CMTR1: variants seen among roughly 807,000 people sequenced by gnomAD.
CMTR1 encodes the protein cap methyltransferase 1, also known as cap-specific mRNA (nucleoside-2'-O-)-methyltransferase 1.
In CMTR1, 39 loss-of-function variants were observed where a neutral mutation model predicts 107.0. That is an observed-to-expected ratio of 0.36 (90% CI 0.28 to 0.48). CMTR1 has a LOEUF of 0.48. Ranked by LOEUF, CMTR1 falls within the 20% of genes least tolerant of loss-of-function variation. The pLI is 0.99. For missense variants in CMTR1, 672 were observed against 1,064.9 expected, an observed-to-expected ratio of 0.63 and a Z score of 5.14; for synonymous variants, 366 against 379.5, an observed-to-expected ratio of 0.96 and a Z score of 0.41.
intron 3 of CMTR1, 79 bp from the exon 4 acceptor site, chr6:37,446,212 A>C: frequency 6.9e-7 from 1 of 1,440,994 alleles, no homozygotes; most frequent in Non-Finnish European, 9.6e-7. Context: ...AGGATTTAGC[A>C]CACTGTTTGG....
chr6:37,446,216 T>A, intron 3 of CMTR1, 75 bp from the exon 4 acceptor site: 1 of 1,476,172 alleles, frequency 6.8e-7, no homozygotes, highest in South Asian at 1.2e-5. Context: ...TTTAGCACAC[T>A]GTTTGGCATG....
chr6:37,475,528 G>A, intron 19 of CMTR1, 116 bp downstream of exon 19: 4 of 839,300 alleles, frequency 4.8e-6, no homozygotes, highest in Non-Finnish European at 7.7e-6. Context: ...TTGACATCCT[G>A]AGAGTTTCCC....
At chr6:37,442,777 A>G (rs554558452) in intron 2 of CMTR1, among the ~76,000 whole-genome samples, 2 of 152,334 alleles carry the variant, frequency 1.3e-5, no homozygotes, top group African/African-American at 4.8e-5. Flanking sequence ...ATTATAATGT[A>G]TTCTTCAAGT....
At chr6:37,456,386 G>T (rs1004249496) in intron 8 of CMTR1, among the ~76,000 whole-genome samples, 1 of 152,214 alleles carries the variant, frequency 6.6e-6, no homozygotes. Flanking sequence ...GGGAAAGAAC[G>T]ATTAAGACCC....
chr6:37,475,564 A>C (rs1429941803), intron 19 of CMTR1, 152 bp downstream of exon 19: 3 of 664,422 alleles, frequency 4.5e-6, no homozygotes, highest in Non-Finnish European at 7.9e-6. Flanking sequence ...CTGGTCCCAA[A>C]GTCAGGGTGA....
chr6:37,474,657 G>C lies in CMTR1; in HGVS notation c.1944+11G>C, dbSNP rs746634782. Reference sequence around the variant, plus strand: ...GAGCTGAAAGGGGAGGTCAGAGATGGTTCTGCTCAGGTGTTGGCCCTGCAG... The same window carrying C: ...GAGCTGAAAGGGGAGGTCAGAGATGCTTCTGCTCAGGTGTTGGCCCTGCAG... On this transcript the variant is annotated intron_variant, in intron 18 of 23. Coordinates refer to ENST00000373451, the MANE Select transcript of CMTR1 (RefSeq NM_015050.3). The C allele has an allele frequency of 1.7e-5, 28 of 1,613,074 alleles. No individual in the cohort carries two copies. The South Asian group carries it at 2.6e-4, about 15-fold the overall frequency.
At chr6:37,473,685 G>C in intron 17 of CMTR1, 84 bp downstream of exon 17, 1 of 1,484,520 alleles carries the variant, frequency 6.7e-7, no homozygotes, top group Non-Finnish European at 9.1e-7. Context: ...GCCACACTTG[G>C]TACATGTTCT....
At position 37,443,996 on chromosome 6, in the gene CMTR1, C is replaced by T. The variant is rs929927979; in HGVS notation, c.134-3C>T. ...CCTAAACATTTTCCTTTTTCTTTTTCAGCATCTACTACAAGCCTTAGTGGG... is the reference window on the plus strand; with the variant it reads ...CCTAAACATTTTCCTTTTTCTTTTTTAGCATCTACTACAAGCCTTAGTGGG... On this transcript the variant is annotated splice_polypyrimidine_tract_variant and splice_region_variant and intron_variant, in intron 2 of 23. Coordinates refer to ENST00000373451, the MANE Select transcript of CMTR1 (RefSeq NM_015050.3). 3 of 1,606,718 alleles carry T rather than the reference C, an allele frequency of 1.9e-6. No homozygotes were observed. Among genetic ancestry groups the T allele is most frequent in the Admixed American group, 3.5e-5 (2 of 57,744 alleles).
intron 23 of CMTR1, 27 bp from the exon 24 acceptor site, chr6:37,479,986 C>T (rs181415210): frequency 1.5e-5 from 24 of 1,551,952 alleles, no homozygotes; most frequent in Non-Finnish European, 2.1e-5. Context: ...GCAGTCCTGA[C>T]CTCTTTCCCA....
intron 13 of CMTR1, 52 bp downstream of exon 13, chr6:37,463,060 C>T: frequency 6.4e-7 from 1 of 1,558,476 alleles, no homozygotes; most frequent in Non-Finnish European, 8.8e-7. Flanking sequence ...TAAGGAAGAC[C>T]AGAGAGTGAA....
At chr6:37,427,634 GC>G in the CMTR1 span, among the ~76,000 whole-genome samples, 11 of 152,266 alleles carry the variant, frequency 7.2e-5, no homozygotes, top group South Asian at 8.3e-4. This position sits in a 1 kb window ranked among gnomAD's most constrained non-coding sequence, Gnocchi z 4.4. Context: ...GAGAAAAATA[GC>G]CTATTATATA....
At chr6:37,470,111 C>CTA (rs1488972181) in intron 13 of CMTR1, among the ~76,000 whole-genome samples, 5 of 151,652 alleles carry the variant, frequency 3.3e-5, no homozygotes, top group Admixed American at 2.6e-4. Context: ...GTTTCTATAT[C>CTA]TTTGCTGAAA....
chr6:37,474,759 GC>G, intron 18 of CMTR1, 113 bp downstream of exon 18: 1 of 1,487,476 alleles, frequency 6.7e-7, no homozygotes, highest in Non-Finnish European at 9.1e-7. Context: ...GGCTGACAGG[GC>G]CCAGGGCTGG....
In CMTR1 at chr6:37,462,887, G is replaced by T. The variant is rs755231746; in HGVS notation, c.1384G>T (p.Ala462Ser). ...GIDDVRDYLF[A>S]VNIKLNQLRN... ...AGATGATGTTCGGGATTACCTCTTC[G>T]CAGTGAATATTAAACTCAATCAGCT... The change falls in exon 13 of 24, where the codon GCA becomes TCA. Residue 462 changes from alanine (A) to serine (S), a missense_variant. Coordinates refer to ENST00000373451, the MANE Select transcript of CMTR1 (RefSeq NM_015050.3). 6.2e-7 allele frequency: 1 copy of T among 1,613,932 alleles called. No individual in the cohort carries two copies. The highest frequency in any genetic ancestry group is 2.2e-5 in the East Asian group (1 of 44,878).
rs147577906 is a variant in CMTR1, at chr6:37,467,346, C to T, written c.1506-3675C>T. Among the ~76,000 whole-genome samples, 307 of 152,222 alleles carry T rather than the reference C, an allele frequency of 2.0e-3. 4 individuals carry two copies. The highest frequency in any genetic ancestry group is 0.018 in the Admixed American group (269 of 15,282). ...TTTCAAGATATCTATTAGATTTAGT[C>T]ACACCATTCTCAGAGAATGTATTCT... On this transcript the variant is annotated intron_variant, in intron 13 of 23. Transcript: ENST00000373451.
intron 16 of CMTR1, 40 bp from the exon 17 acceptor site, chr6:37,473,430 C>A (rs748270059): frequency 6.3e-7 from 1 of 1,597,852 alleles, no homozygotes; most frequent in Admixed American, 1.7e-5. Context: ...ACTGTCCCTT[C>A]CCCCAACCCG....
chr6:37,430,912 G>C (rs931644070), upstream of CMTR1, among the ~76,000 whole-genome samples: 7 of 151,532 alleles, frequency 4.6e-5, no homozygotes, highest in Non-Finnish European at 1.0e-4. Context: ...TACTCGGCAG[G>C]CTGAGGCAGG....
intron 22 of CMTR1, among the ~76,000 whole-genome samples, chr6:37,478,785 A>C (rs1012655207): frequency 4.6e-5 from 7 of 152,170 alleles, no homozygotes; most frequent in African/African-American, 7.2e-5. Context: ...TGGCAGGAAA[A>C]GGGCCTTCTC....
Position 37,478,403 on chromosome 6 carries a change from A to T in CMTR1, c.2154-6A>T, listed in dbSNP as rs1761783850. On this transcript the variant is annotated splice_polypyrimidine_tract_variant and splice_region_variant and intron_variant, in intron 21 of 23. Transcript: ENST00000373451. ...TCTCATGCACGTACCTTCTCGGGGA[A>T]ATCAGGTTGGAGATGAAGATCATCA... 10 of 1,611,886 alleles carry T rather than the reference A, an allele frequency of 6.2e-6. No homozygotes were observed. The highest frequency in any genetic ancestry group is 8.5e-6 in the Non-Finnish European group (10 of 1,178,000).
Sources: gnomAD v4.1 joint callset for allele counts (sites outside exome capture counted in the v4.1 genomes callset) on GRCh38, gnomAD v4.1.1 for gene constraint, Gnocchi (gnomAD v3.1) non-coding constraint, MANE v1.5 for transcripts, NCBI Gene and HGNC (gene_info 2026-07-23, HGNC 2026-07-21) for gene names.